Variants in GALNT18 observed in about 807,000 individuals in gnomAD.
GALNT18 encodes the protein polypeptide N-acetylgalactosaminyltransferase 18.
Under a neutral mutation model 69.5 loss-of-function variants are expected in GALNT18, and 44 were observed. That is an observed-to-expected ratio of 0.63 (90% CI 0.50 to 0.81). The LOEUF (loss-of-function observed/expected upper bound fraction) is 0.81. Ranked by LOEUF, GALNT18 falls within the 40% of genes least tolerant of loss-of-function variation. The pLI, the probability that GALNT18 is intolerant of heterozygous loss-of-function variation, is 0.00. For synonymous variants in GALNT18, 364 were observed against 318.2 expected (o/e 1.14, Z -1.53); for missense variants, 715 against 810.0 (o/e 0.88, Z 1.42).
Position 11,540,765 on chromosome 11 carries a change from G to A in GALNT18, c.235+80594C>T, listed in dbSNP as rs1479444175. Reference sequence around the variant, plus strand: ...TATGACTCTCTGATCACAGCAATACGTTAGACTCAGTGGAAATGTGTGTCA... The same window carrying A: ...TATGACTCTCTGATCACAGCAATACATTAGACTCAGTGGAAATGTGTGTCA... On this transcript the variant is annotated intron_variant, in intron 1 of 10. Transcript: ENST00000227756. This position sits in a 1 kb window ranked among gnomAD's most constrained non-coding sequence, Gnocchi z 4.6. 2.6e-5 allele frequency among the ~76,000 whole-genome samples: 4 copies of A among 152,108 alleles called. No homozygotes were observed. Among genetic ancestry groups the A allele is most frequent in the Non-Finnish European group, 4.4e-5 (3 of 68,016 alleles).
At chr11:11,274,942 T>C (rs1038344867) in intron 10 of GALNT18, among the ~76,000 whole-genome samples, 2 of 152,262 alleles carry the variant, frequency 1.3e-5, no homozygotes, top group African/African-American at 4.8e-5. Context: ...TTATCCAGTC[T>C]AGTGTTGATG....
At chr11:11,273,209 C>T (rs1242811290) in intron 10 of GALNT18, among the ~76,000 whole-genome samples, 3 of 151,626 alleles carry the variant, frequency 2.0e-5, no homozygotes, top group African/African-American at 4.8e-5. Context: ...AATAGGATCA[C>T]ATCAAGTTAA....
At chr11:11,348,846 C>A (rs4909993) in intron 6 of GALNT18, among the ~76,000 whole-genome samples, 55,856 of 151,972 alleles carry the variant, frequency 0.37, 11,560 homozygotes, top group East Asian at 0.85. Context: ...TCCTATATCA[C>A]CTGTAAGTCC....
chr11:11,559,250 G>A (rs935281112), intron 1 of GALNT18, among the ~76,000 whole-genome samples: 3 of 152,016 alleles, frequency 2.0e-5, no homozygotes, highest in South Asian at 2.1e-4. Flanking sequence ...AGCCTCTTCC[G>A]ACCACCCCCT....
intron 3 of GALNT18, among the ~76,000 whole-genome samples, chr11:11,384,927 T>A (rs893840058): frequency 6.6e-6 from 1 of 152,218 alleles, no homozygotes; most frequent in Non-Finnish European, 1.5e-5. Context: ...TTGGTCCATT[T>A]GTGTAGCTGT....
At chr11:11,361,342 A>G (rs912951924) in intron 6 of GALNT18, among the ~76,000 whole-genome samples, 2 of 152,098 alleles carry the variant, frequency 1.3e-5, no homozygotes, top group Non-Finnish European at 2.9e-5. Context: ...AAGTTATATC[A>G]CCTCTCTCTG....
intron 1 of GALNT18, among the ~76,000 whole-genome samples, chr11:11,508,998 C>G (rs74544081): frequency 0.025 from 3,743 of 152,264 alleles, 110 homozygotes; most frequent in African/African-American, 0.065. Context: ...TCAACCAGAT[C>G]TGGCCCCAGC....
chr11:11,574,366 T>A (rs747344268), intron 1 of GALNT18, among the ~76,000 whole-genome samples: 14 of 152,346 alleles, frequency 9.2e-5, no homozygotes, highest in African/African-American at 3.4e-4. Context: ...GTAGAGAACC[T>A]GAGGGCTGGA....
intron 5 of GALNT18, among the ~76,000 whole-genome samples, chr11:11,376,005 C>G (rs1213279601): frequency 6.6e-6 from 1 of 152,136 alleles, no homozygotes; most frequent in East Asian, 1.9e-4. Context: ...AAAAACTGTA[C>G]CCTAGGCCAC....
At chr11:11,483,132 T>G (rs78214449) in intron 1 of GALNT18, among the ~76,000 whole-genome samples, 3,031 of 152,032 alleles carry the variant, frequency 0.02, 105 homozygotes, top group African/African-American at 0.068. Flanking sequence ...TGGTCCAATC[T>G]GATGCCCACT....
chr11:11,394,958 G>C (rs1347286559), intron 3 of GALNT18, among the ~76,000 whole-genome samples: 1 of 152,208 alleles, frequency 6.6e-6, no homozygotes, highest in Non-Finnish European at 1.5e-5. Flanking sequence ...AGGGAGCAGG[G>C]TCTGACATGC....
intron 1 of GALNT18, among the ~76,000 whole-genome samples, chr11:11,506,337 A>G (rs1230585153): frequency 7.2e-5 from 11 of 152,218 alleles, no homozygotes; most frequent in Admixed American, 7.2e-4. Context: ...TTCACTTCAC[A>G]GGTGGCTTCT....
At chr11:11,284,877 C>T (rs999065163) in intron 10 of GALNT18, among the ~76,000 whole-genome samples, 1 of 137,800 alleles carries the variant, frequency 7.3e-6, no homozygotes, top group Non-Finnish European at 1.6e-5. Context: ...TATGAATACT[C>T]AACACCTGAT....
intron 9 of GALNT18, among the ~76,000 whole-genome samples, chr11:11,322,746 T>A (rs1359669929): frequency 6.6e-6 from 1 of 152,220 alleles, no homozygotes; most frequent in Non-Finnish European, 1.5e-5. Context: ...AGTTTATTAG[T>A]TGGCTCAGGC....
chr11:11,271,468 A>AGG (rs1848826908), intron 10 of GALNT18, among the ~76,000 whole-genome samples, 178 bp from the exon 11 acceptor site: 2 of 152,092 alleles, frequency 1.3e-5, no homozygotes, highest in African/African-American at 4.8e-5. Context: ...TCTCCTCTGG[A>AGG]AGACTGAATA....
At chr11:11,353,303 G>A (rs1317074460) in intron 6 of GALNT18, 4 of 689,112 alleles carry the variant, frequency 5.8e-6, no homozygotes, top group Non-Finnish European at 9.6e-6. Context: ...CGATGGAGTG[G>A]GGAGCAATTT....
At chr11:11,352,535 T>C in intron 6 of GALNT18, 1 of 1,614,082 alleles carries the variant, frequency 6.2e-7, no homozygotes, top group Non-Finnish European at 8.5e-7. Flanking sequence ...CTTTGAAGTA[T>C]CGGGAAGCAA....
chr11:11,579,109 T>C (rs1859007423), intron 1 of GALNT18, among the ~76,000 whole-genome samples: 1 of 152,212 alleles, frequency 6.6e-6, no homozygotes, highest in Admixed American at 6.5e-5. Context: ...TAGGTTTGGC[T>C]GGGAACTGGC....
At chr11:11,447,915 T>C (rs1446246727) in intron 2 of GALNT18, among the ~76,000 whole-genome samples, 1 of 152,206 alleles carries the variant, frequency 6.6e-6, no homozygotes, top group African/African-American at 2.4e-5. Context: ...GCTTAATAAA[T>C]GACCTGCAAG....
Sources: gnomAD v4.1 joint callset for allele counts (sites outside exome capture counted in the v4.1 genomes callset) on GRCh38, gnomAD v4.1.1 for gene constraint, Gnocchi (gnomAD v3.1) non-coding constraint, MANE v1.5 for transcripts, NCBI Gene and HGNC (gene_info 2026-07-23, HGNC 2026-07-21) for gene names.